Variants in CFAP107 observed in about 807,000 individuals in gnomAD.
CFAP107 encodes cilia and flagella associated protein 107, also known as cilia- and flagella-associated protein 107.
chr1:12,746,436 T>C, the CFAP107 span: 1 of 1,612,810 alleles, frequency 6.2e-7, no homozygotes, highest in Non-Finnish European at 8.5e-7. Flanking sequence ...TTAACATGTT[T>C]TTGACTGCAG....
At chr1:12,760,767 C>T in the CFAP107 span, 6 of 1,611,918 alleles carry the variant, frequency 3.7e-6, no homozygotes, top group Non-Finnish European at 5.1e-6. Context: ...GTTTCTCTTG[C>T]AGCTCCCCCT....
At chr1:12,756,390 G>A in the CFAP107 span, among the ~76,000 whole-genome samples, 3 of 152,204 alleles carry the variant, frequency 2.0e-5, no homozygotes, top group Admixed American at 2.0e-4. Context: ...CCACTAGTGA[G>A]TATGTAGGAG....
At chr1:12,759,630 T>C in the CFAP107 span, 1 of 920,496 alleles carries the variant, frequency 1.1e-6, no homozygotes, top group African/African-American at 1.6e-5. Context: ...AGGGGCTGAG[T>C]TCTATTGTAC....
At chr1:12,746,527 G>C in the CFAP107 span, 1 of 1,611,968 alleles carries the variant, frequency 6.2e-7, no homozygotes, top group Non-Finnish European at 8.5e-7. Context: ...AAATTGGATG[G>C]AAGAGAGGAG....
At chr1:12,760,963 C>G in the CFAP107 span, 1 of 1,601,928 alleles carries the variant, frequency 6.2e-7, no homozygotes, top group Non-Finnish European at 8.5e-7. Flanking sequence ...AGCTGCCACC[C>G]CAGGAGCAGC....
the CFAP107 span, chr1:12,761,488 A>G: frequency 6.6e-6 from 1 of 152,110 alleles, no homozygotes; most frequent in African/African-American, 2.4e-5. Flanking sequence ...AGAAGGGGAA[A>G]ACACATGGCA....
chr1:12,759,465 G>A, the CFAP107 span: 6 of 1,614,046 alleles, frequency 3.7e-6, no homozygotes, highest in Non-Finnish European at 4.2e-6. Context: ...GGCTGCCAGA[G>A]AAGTCTGACT....
the CFAP107 span, among the ~76,000 whole-genome samples, chr1:12,754,183 A>G: frequency 1.3e-5 from 2 of 152,240 alleles, no homozygotes; most frequent in African/African-American, 4.8e-5. Flanking sequence ...AACAATAGCC[A>G]AAGACAAGCA....
chr1:12,758,125 C>T, the CFAP107 span, among the ~76,000 whole-genome samples: 1 of 152,164 alleles, frequency 6.6e-6, no homozygotes, highest in Non-Finnish European at 1.5e-5. Context: ...GTTCCTTCTG[C>T]CTCCCGACCA....
the CFAP107 span, among the ~76,000 whole-genome samples, chr1:12,760,350 A>G: frequency 8.5e-3 from 1,290 of 152,332 alleles, 13 homozygotes; most frequent in African/African-American, 0.03. Context: ...CTTTTGATGC[A>G]AAGGGACACA....
the CFAP107 span, among the ~76,000 whole-genome samples, chr1:12,751,355 G>A: frequency 2.0e-5 from 3 of 152,260 alleles, no homozygotes; most frequent in South Asian, 2.1e-4. Context: ...GACCGGGCGC[G>A]GTGGCTCATG....
At chr1:12,748,734 A>G in the CFAP107 span, among the ~76,000 whole-genome samples, 7 of 152,226 alleles carry the variant, frequency 4.6e-5, no homozygotes, top group African/African-American at 1.7e-4. Flanking sequence ...AAGTGAGAGA[A>G]TAAACACAAG....
the CFAP107 span, among the ~76,000 whole-genome samples, chr1:12,755,541 G>A: frequency 3.3e-5 from 5 of 152,202 alleles, no homozygotes; most frequent in African/African-American, 1.2e-4. Flanking sequence ...CAGGCTCCCC[G>A]TCCCCGAGCA....
At chr1:12,759,337 C>G in the CFAP107 span, 24 of 1,614,112 alleles carry the variant, frequency 1.5e-5, no homozygotes, top group Non-Finnish European at 2.0e-5. Context: ...CCTGATCACC[C>G]ACCACCAGGA....
At chr1:12,746,500 A>C in the CFAP107 span, 1 of 1,613,716 alleles carries the variant, frequency 6.2e-7, no homozygotes, top group Non-Finnish European at 8.5e-7. Context: ...CAAGTATTCA[A>C]CGAAAGTGCT....
At chr1:12,759,943 T>C in the CFAP107 span, among the ~76,000 whole-genome samples, 1 of 152,118 alleles carries the variant, frequency 6.6e-6, no homozygotes, top group Non-Finnish European at 1.5e-5. Flanking sequence ...TAGATAATTT[T>C]AGACAGGAGT....
the CFAP107 span, chr1:12,762,417 C>T: frequency 6.7e-6 from 1 of 150,236 alleles, no homozygotes; most frequent in East Asian, 1.9e-4. Context: ...CTTCCTTAGT[C>T]ATCCAAGTGT....
the CFAP107 span, among the ~76,000 whole-genome samples, chr1:12,751,520 G>A: frequency 6.6e-6 from 1 of 152,076 alleles, no homozygotes; most frequent in Admixed American, 6.6e-5. Context: ...CCAACTACTA[G>A]GGAGACTGAG....
chr1:12,759,200 T>G, the CFAP107 span: 10 of 1,270,452 alleles, frequency 7.9e-6, no homozygotes, highest in Non-Finnish European at 1.1e-5. Context: ...GGATGCCCGC[T>G]CTCTCCATCA....
Sources: gnomAD v4.1 joint callset for allele counts (sites outside exome capture counted in the v4.1 genomes callset) on GRCh38, gnomAD v4.1.1 for gene constraint, MANE v1.5 for transcripts, NCBI Gene and HGNC (gene_info 2026-07-23, HGNC 2026-07-21) for gene names.